Variants in KMT2A observed in about 807,000 individuals in gnomAD.
KMT2A encodes the protein histone-lysine N-methyltransferase 2A.
KMT2A carries 16 observed loss-of-function variants against 345.3 expected under a neutral mutation model. The observed-to-expected ratio is 0.05, with a 90% CI of 0.03 to 0.07. The LOEUF is 0.07. KMT2A is among the 10% of genes least tolerant of loss of function. KMT2A has a pLI of 1.00. For synonymous variants in KMT2A, 1,599 were observed against 1,778.6 expected, an observed-to-expected ratio of 0.90 and a Z score of 2.54; for missense variants, 3,272 against 4,841.6, an observed-to-expected ratio of 0.68 and a Z score of 9.62.
chr11:118,482,564 C>T (rs1950153426), intron 8 of KMT2A, 69 bp downstream of exon 8: 3 of 1,168,646 alleles, frequency 2.6e-6, no homozygotes, highest in Admixed American at 2.0e-5. Flanking sequence ...AAGCCTTATC[C>T]TTGACTTCTA....
At chr11:118,439,172 A>AG in intron 1 of KMT2A, 2 of 404,130 alleles carry the variant, frequency 4.9e-6, no homozygotes, top group Non-Finnish European at 9.6e-6. Context: ...AAAAAAAAAA[A>AG]AGAAAAAAAA....
At position 118,499,814 on chromosome 11, in the gene KMT2A, G is replaced by A. The variant is rs200232275; in HGVS notation, c.6080-21G>A. 40 of 1,547,822 alleles carry A rather than the reference G, an allele frequency of 2.6e-5. No individual in the cohort carries two copies. In the African/African-American group the frequency reaches 3.8e-4, roughly 15 times the overall value. On this transcript the variant is annotated intron_variant, in intron 23 of 35. Transcript: ENST00000534358. ...ATGACGCTCATAATCTTCTCTAATC[G>A]GTTCTTCTTTCCTTGGTCAGGGTCT...
At chr11:118,450,837 T>C (rs1949521262) in intron 1 of KMT2A, 1 of 152,208 alleles carries the variant, frequency 6.6e-6, no homozygotes, top group Non-Finnish European at 1.5e-5. Flanking sequence ...ATACATTTCT[T>C]GACTGGTTGA....
At position 118,496,297 on chromosome 11, in the gene KMT2A, A is replaced by G; in HGVS notation, c.5594A>G (p.Asn1865Ser). The change falls in exon 20 of 36, where the codon AAC becomes AGC. Residue 1865 changes from asparagine (N) to serine (S), a missense_variant. Physicochemically the swap from Asn to Ser is conservative, Grantham distance 46. This residue lies in a region of KMT2A where 235 missense variants were observed against 503.4 expected (regional missense o/e 0.47). Coordinates refer to ENST00000534358, the MANE Select transcript of KMT2A (RefSeq NM_001197104.2). This position sits in a 1 kb window ranked among gnomAD's most constrained non-coding sequence, Gnocchi z 4.7. ...AGTCGAGAAGACAGTCCAGAGCTGA[A>G]CCCACCCCCAGGCATAGAAGACAAT... ...DRSREDSPELNPPPGIEDNRQ... is the reference protein window; with the variant it reads ...DRSREDSPELSPPPGIEDNRQ... The G allele has an allele frequency of 6.2e-7, 1 of 1,613,904 alleles. No individual in the cohort carries two copies. The highest frequency in any genetic ancestry group is 8.5e-7 in the Non-Finnish European group (1 of 1,179,854).
At chr11:118,452,733 A>G (rs1555029387) in intron 1 of KMT2A, among the ~76,000 whole-genome samples, 1 of 151,090 alleles carries the variant, frequency 6.6e-6, no homozygotes, top group Non-Finnish European at 1.5e-5. Context: ...TCCTGGGTTC[A>G]AGCGATTGTT....
chr11:118,484,769 G>A lies in KMT2A; in HGVS notation c.4219-93G>A. 1.2e-6 allele frequency: 1 copy of A among 818,372 alleles called. No homozygotes were observed. Among genetic ancestry groups the A allele is most frequent in the Non-Finnish European group, 2.1e-6 (1 of 475,958 alleles). The allele number at this position is 818,372 out of a possible 1,614,324, so 50.7% of individuals were successfully genotyped here. A position where few individuals can be genotyped will look rare whatever the true frequency, so the allele number is the denominator to read the frequency against. On this transcript the variant is annotated intron_variant, in intron 9 of 35. Coordinates refer to ENST00000534358, the MANE Select transcript of KMT2A (RefSeq NM_001197104.2). The surrounding 1 kb of genome is among the most constrained non-coding windows in gnomAD (Gnocchi z 4.1). ...TTGAAATGAAATACTCTGACATTGT[G>A]ATGTCACACTAATTTTATGCTTTTC...
chr11:118,471,703 G>T lies in KMT2A; in HGVS notation c.544G>T (p.Gly182Cys). Residue 182 changes from glycine to cysteine, a missense_variant, in exon 3 of 36, where the codon GGC (glycine) becomes TGC (cysteine). Transcript: ENST00000534358. Reference protein sequence around the residue: ...PRKPRGRPRSGSDRNSAILSD... With the variant: ...PRKPRGRPRSCSDRNSAILSD... ...AAAACCTCGTGGGAGACCTAGAAGT[G>T]GCTCTGACCGAAATTCAGCTATCCT... 6.2e-7 allele frequency: 1 copy of T among 1,601,216 alleles called. No individual in the cohort carries two copies.
In KMT2A at chr11:118,495,606, C is replaced by T; in HGVS notation, c.5364-94C>T. ...TCTTATATTCTGTGAATGGCTCCTA[C>T]ATGGGGCAACAGGTGATATCAAGAA... On this transcript the variant is annotated intron_variant, in intron 18 of 35. Coordinates refer to ENST00000534358, the MANE Select transcript of KMT2A (RefSeq NM_001197104.2). The surrounding 1 kb of genome is among the most constrained non-coding windows in gnomAD (Gnocchi z 4.1). The T allele has an allele frequency of 1.1e-6, 1 of 931,288 alleles. No individual in the cohort carries two copies. Among genetic ancestry groups the T allele is most frequent in the Non-Finnish European group, 1.6e-6 (1 of 639,322 alleles). The allele number at this position is 931,288 out of a possible 1,614,324, so 57.7% of individuals were successfully genotyped here.
intron 3 of KMT2A, among the ~76,000 whole-genome samples, chr11:118,475,906 T>C (rs1950028989): frequency 6.6e-6 from 1 of 152,114 alleles, no homozygotes; most frequent in Admixed American, 6.5e-5. Context: ...GAGCCTTTTA[T>C]ACTTTCTCTT....
intron 1 of KMT2A, among the ~76,000 whole-genome samples, chr11:118,452,700 C>G (rs782259353): frequency 2.0e-5 from 3 of 149,340 alleles, no homozygotes; most frequent in East Asian, 4.0e-4. Flanking sequence ...GTGGCGCCAT[C>G]TCGGCTCACA....
rs2134396119 is a variant in KMT2A, at chr11:118,503,935, C to T, written c.8043C>T (p.Asp2681=). 3 of 1,614,146 alleles carry T rather than the reference C, an allele frequency of 1.9e-6. No homozygotes were observed. Among genetic ancestry groups the T allele is most frequent in the African/African-American group, 2.7e-5 (2 of 75,028 alleles). Residue 2681 remains aspartate (D), a synonymous_variant, in exon 27 of 36, where the codon GAC becomes GAT. Coordinates refer to ENST00000534358, the MANE Select transcript of KMT2A (RefSeq NM_001197104.2). This position sits in a 1 kb window ranked among gnomAD's most constrained non-coding sequence, Gnocchi z 5.3. ...ADDLSTSDED[D]LYYYNFTRTV... is the part of the protein sequence containing the mutation. Reference sequence around the variant, plus strand: ...ACTTAAGCACTTCAGATGAAGACGACTTATACTATTACAACTTCACTAGAA... The same window carrying T: ...ACTTAAGCACTTCAGATGAAGACGATTTATACTATTACAACTTCACTAGAA...
chr11:118,503,961 C>T lies in KMT2A; in HGVS notation c.8069C>T (p.Thr2690Ile). The T allele has an allele frequency of 1.2e-6, 2 of 1,614,154 alleles. No individual in the cohort carries two copies. The highest frequency in any genetic ancestry group is 1.1e-5 in the South Asian group (1 of 91,078). ...TTATACTATTACAACTTCACTAGAA[C>T]AGTGATTTCTTCAGGTGGAGAGGAA... ...DDLYYYNFTRTVISSGGEERL... is the reference protein window; with the variant it reads ...DDLYYYNFTRIVISSGGEERL... Residue 2690 changes from threonine to isoleucine, a missense_variant, in exon 27 of 36, where the codon ACA (threonine) becomes ATA (isoleucine). Thr to Ile is a moderately conservative substitution (Grantham distance 89). Coordinates refer to ENST00000534358, the MANE Select transcript of KMT2A (RefSeq NM_001197104.2). The surrounding 1 kb of genome is among the most constrained non-coding windows in gnomAD (Gnocchi z 5.3).
Position 118,497,859 on chromosome 11 carries a change from C to A in KMT2A, c.5665-77C>A. ...AGTTGCTTTCTTGAGGTTATCTTCA[C>A]TGGAAAAGCTAATGCCGAGGAAAAC... On this transcript the variant is annotated intron_variant, in intron 20 of 35. Coordinates refer to ENST00000534358, the MANE Select transcript of KMT2A (RefSeq NM_001197104.2). This position sits in a 1 kb window ranked among gnomAD's most constrained non-coding sequence, Gnocchi z 4.8. 3 of 1,141,536 alleles carry A rather than the reference C, an allele frequency of 2.6e-6. No homozygotes were observed. The highest frequency in any genetic ancestry group is 1.5e-5 in the African/African-American group (1 of 64,696). 70.7% of individuals were successfully genotyped at this position (1,141,536 alleles called of 1,614,324 possible).
In KMT2A at chr11:118,502,563, G is replaced by A; in HGVS notation, c.6671G>A (p.Arg2224Lys). 1 of 1,614,106 alleles carries A rather than the reference G, an allele frequency of 6.2e-7. No homozygotes were observed. The highest frequency in any genetic ancestry group is 8.5e-7 in the Non-Finnish European group (1 of 1,180,016). Residue 2224 changes from arginine (R) to lysine (K), a missense_variant, in exon 27 of 36, where the codon AGG becomes AAG. Around this residue, in one of 27 missense-constraint regions of KMT2A, gnomAD observed 445 missense variants for 500.9 expected, o/e 0.89. Transcript: ENST00000534358. This position sits in a 1 kb window ranked among gnomAD's most constrained non-coding sequence, Gnocchi z 4.9. ...ATGAGAACTGGGAATACTTACTCTA[G>A]GAATAATGTTTCCTCAGTCTCCACC... ...SPMRTGNTYS[R>K]NNVSSVSTTG...
chr11:118,519,249 T>TA (rs1306901637), intron 31 of KMT2A: 12 of 189,886 alleles, frequency 6.3e-5, no homozygotes, highest in Admixed American at 3.7e-4. Context: ...ATCAGTTCTC[T>TA]AAGCCTGTTT....
chr11:118,461,755 CT>C (rs1555032738), intron 1 of KMT2A, among the ~76,000 whole-genome samples: 1 of 152,104 alleles, frequency 6.6e-6, no homozygotes, highest in Non-Finnish European at 1.5e-5. Context: ...ATTGTAGCTT[CT>C]TTTGTCTTTT....
rs1292479835 is a variant in KMT2A, at chr11:118,437,036, C to A, written c.432+92C>A. 2.3e-6 allele frequency: 3 copies of A among 1,316,738 alleles called. No individual in the cohort carries two copies. The East Asian group carries it at 9.0e-5, about 40-fold the overall frequency. The allele number at this position is 1,316,738 out of a possible 1,614,324, so 81.6% of individuals were successfully genotyped here. ...TCCGGGATTGAGGAGCATCCCAATTCTGGGACCATCTCGGGGTCCCTGACC... is the reference window on the plus strand; with the variant it reads ...TCCGGGATTGAGGAGCATCCCAATTATGGGACCATCTCGGGGTCCCTGACC... On this transcript the variant is annotated intron_variant, in intron 1 of 35. Coordinates refer to ENST00000534358, the MANE Select transcript of KMT2A (RefSeq NM_001197104.2).
At position 118,498,770 on chromosome 11, in the gene KMT2A, T is replaced by C. The variant is rs1950451221; in HGVS notation, c.5961+242T>C. Among the ~76,000 whole-genome samples, 1 of 152,190 alleles carries C rather than the reference T, an allele frequency of 6.6e-6. No homozygotes were observed. Among genetic ancestry groups the C allele is most frequent in the Non-Finnish European group, 1.5e-5 (1 of 68,036 alleles). On this transcript the variant is annotated intron_variant, in intron 22 of 35. Transcript: ENST00000534358. This position sits in a 1 kb window ranked among gnomAD's most constrained non-coding sequence, Gnocchi z 4.4. ...CTGTAGTTTACATCAGCATTCACTC[T>C]TGGTGTTGTACATTCTGTGGGTTTG...
rs782000341 is a variant in KMT2A at position 118,482,047 on chromosome 11, A to G, written c.3967A>G (p.Thr1323Ala). The G allele has an allele frequency of 2.5e-6, 4 of 1,612,762 alleles. No individual in the cohort carries two copies. Among genetic ancestry groups the G allele is most frequent in the East Asian group, 2.2e-5 (1 of 44,884 alleles). The change falls in exon 7 of 36, where the codon ACT becomes GCT. Residue 1323 changes from threonine to alanine, a missense_variant. Transcript: ENST00000534358. ...GCCAAGAAAAGAAGTTCCCAAAACC[A>G]CTCCTAGTGAGCCCAAGAAAAAGCA... ...GPPRKEVPKT[T>A]PSEPKKKQPP... is the part of the protein sequence containing the mutation.
Sources: allele counts gnomAD v4.1 joint callset (sites outside exome capture counted in the v4.1 genomes callset), GRCh38; gene constraint gnomAD v4.1.1; regional missense constraint gnomAD v4.1.1; non-coding constraint Gnocchi (gnomAD v3.1); transcripts MANE v1.5; gene names NCBI Gene and HGNC (gene_info 2026-07-23, HGNC 2026-07-21).